SLC22A3: variants seen among roughly 807,000 people sequenced by gnomAD.
SLC22A3 encodes EMT organic cation transporter 3.
A neutral mutation model predicts 59.1 loss-of-function variants in SLC22A3; 51 were observed. The observed-to-expected ratio is 0.86, with a 90% CI of 0.69 to 1.09. The LOEUF (loss-of-function observed/expected upper bound fraction) is 1.09. SLC22A3 is among the 50% of genes least tolerant of loss of function. The pLI is 0.00. For synonymous variants in SLC22A3, 325 were observed against 292.0 expected (o/e 1.11, Z -1.15); for missense variants, 711 against 726.3 (o/e 0.98, Z 0.24).
intron 5 of SLC22A3, among the ~76,000 whole-genome samples, chr6:160,418,076 G>T (rs144965911): frequency 2.0e-5 from 3 of 152,322 alleles, no homozygotes; most frequent in African/African-American, 7.2e-5. Flanking sequence ...AGCTGGGAAA[G>T]TATTGTTTCT....
intron 9 of SLC22A3, among the ~76,000 whole-genome samples, chr6:160,445,672 C>A (rs1788712364): frequency 6.6e-6 from 1 of 152,132 alleles, no homozygotes; most frequent in African/African-American, 2.4e-5. Flanking sequence ...AGAGGGTGGA[C>A]AGATTGAGTA....
At chr6:160,446,242 G>C (rs1415404701) in intron 9 of SLC22A3, among the ~76,000 whole-genome samples, 1 of 152,176 alleles carries the variant, frequency 6.6e-6, no homozygotes, top group East Asian at 1.9e-4. Flanking sequence ...GGAGAATATA[G>C]GCTGAGTCTG....
intron 4 of SLC22A3, among the ~76,000 whole-genome samples, chr6:160,409,635 C>T (rs1787167099): frequency 6.6e-6 from 1 of 152,058 alleles, no homozygotes; most frequent in Non-Finnish European, 1.5e-5. Context: ...TACAGTCCCA[C>T]CAACAGTGTT....
At chr6:160,365,679 A>C (rs897589590) in intron 1 of SLC22A3, among the ~76,000 whole-genome samples, 1 of 152,208 alleles carries the variant, frequency 6.6e-6, no homozygotes, top group Non-Finnish European at 1.5e-5. Context: ...TCAGAAGTTC[A>C]GTTCTTTAAA....
rs1223785918 is a variant in SLC22A3, at chr6:160,410,955, A to ATT, written c.975+110_975+111dup. 6.8e-6 allele frequency: 4 copies of ATT among 584,780 alleles called. 1 individual carries two copies. In the Middle Eastern group the frequency reaches 1.4e-3, roughly 210 times the overall value. The allele number at this position is 584,780 out of a possible 1,614,324, so 36.2% of individuals were successfully genotyped here. On this transcript the variant is annotated intron_variant, in intron 5 of 10. Coordinates refer to ENST00000275300, the MANE Select transcript of SLC22A3 (RefSeq NM_021977.4). Reference sequence around the variant, plus strand: ...TTAAATTTATATACAAAATATGCATATTATATATATATATGTATGTATGTA... The same window carrying ATT: ...TTAAATTTATATACAAAATATGCATATTTTATATATATATATGTATGTATGTA...
At position 160,408,767 on chromosome 6, in the gene SLC22A3, G is replaced by A. The variant is rs370990937; in HGVS notation, c.703G>A (p.Gly235Ser). The A allele has an allele frequency of 6.8e-6, 11 of 1,613,426 alleles. No homozygotes were observed. Among genetic ancestry groups the A allele is most frequent in the Non-Finnish European group, 9.3e-6 (11 of 1,179,674 alleles). ...TCYVIVTEIV[G>S]SKQRRIVGIV... The stretch of plus-strand genomic sequence containing the variant: ...TTTTCCTTTAGTGACAGAAATAGTA[G>A]GTTCGAAACAAAGGAGGATTGTGGG... The change falls in exon 4 of 11, where the codon GGT becomes AGT. Residue 235 changes from glycine to serine, a missense_variant. Transcript: ENST00000275300.
At chr6:160,383,743 G>GTCT (rs1252763329) in intron 1 of SLC22A3, among the ~76,000 whole-genome samples, 2 of 151,814 alleles carry the variant, frequency 1.3e-5, no homozygotes, top group Non-Finnish European at 2.9e-5. Context: ...TATCCATGGG[G>GTCT]TCTGCATCCA....
At chr6:160,409,017 T>A in intron 4 of SLC22A3, 96 bp downstream of exon 4, 6 of 521,224 alleles carry the variant, frequency 1.2e-5, no homozygotes, top group Non-Finnish European at 1.6e-5. Context: ...AAAATTTTCT[T>A]TTTTTTTTTT....
intron 7 of SLC22A3, among the ~76,000 whole-genome samples, chr6:160,442,321 C>T (rs142801184): frequency 1.2e-4 from 18 of 152,286 alleles, no homozygotes; most frequent in African/African-American, 2.2e-4. Context: ...GTGCTGGGAA[C>T]GGCTATTCCT....
chr6:160,432,228 A>G (rs1178187602), intron 5 of SLC22A3, among the ~76,000 whole-genome samples: 1 of 152,068 alleles, frequency 6.6e-6, no homozygotes, highest in Non-Finnish European at 1.5e-5. Context: ...GGAGGATACG[A>G]TTTCCCTAAA....
intron 10 of SLC22A3, among the ~76,000 whole-genome samples, chr6:160,448,409 AGAT>A (rs1788825724): frequency 6.6e-6 from 1 of 152,238 alleles, no homozygotes; most frequent in African/African-American, 2.4e-5. Context: ...AATCATAGAT[AGAT>A]AAGTGATAGT....
chr6:160,414,037 G>T (rs1787366497), intron 5 of SLC22A3, among the ~76,000 whole-genome samples: 1 of 152,106 alleles, frequency 6.6e-6, no homozygotes, highest in Admixed American at 6.6e-5. Flanking sequence ...ATATCTGTAG[G>T]ATCCTTTAAC....
intron 1 of SLC22A3, among the ~76,000 whole-genome samples, chr6:160,354,813 G>A (rs1171009777): frequency 6.6e-6 from 1 of 152,072 alleles, no homozygotes; most frequent in African/African-American, 2.4e-5. Context: ...ACACTAATTT[G>A]CTCTAAAGGC....
intron 5 of SLC22A3, among the ~76,000 whole-genome samples, chr6:160,423,779 C>G (rs1011387292): frequency 3.3e-5 from 5 of 152,176 alleles, no homozygotes; most frequent in African/African-American, 1.2e-4. Flanking sequence ...GTTGCCTGTT[C>G]ACTCTGATTG....
chr6:160,435,070 C>A (rs1218027670), intron 5 of SLC22A3, among the ~76,000 whole-genome samples: 1 of 152,134 alleles, frequency 6.6e-6, no homozygotes, highest in Non-Finnish European at 1.5e-5. Context: ...ACACATGACC[C>A]CTACAACCAC....
At chr6:160,432,781 TATC>T (rs1263163228) in intron 5 of SLC22A3, among the ~76,000 whole-genome samples, 3 of 152,222 alleles carry the variant, frequency 2.0e-5, no homozygotes, top group Admixed American at 6.5e-5. Flanking sequence ...AAACAATAAA[TATC>T]ATATTCTACA....
At chr6:160,353,682 G>A (rs1400063084) in intron 1 of SLC22A3, among the ~76,000 whole-genome samples, 1 of 152,150 alleles carries the variant, frequency 6.6e-6, no homozygotes, top group Non-Finnish European at 1.5e-5. Context: ...AGTGGTTGGT[G>A]TGCATTCTCG....
intron 5 of SLC22A3, among the ~76,000 whole-genome samples, chr6:160,427,556 C>T (rs1454785267): frequency 1.3e-5 from 2 of 152,182 alleles, no homozygotes; most frequent in Admixed American, 6.5e-5. Flanking sequence ...GGCGAGTGGA[C>T]AGGTGGTCTG....
At chr6:160,450,867 G>A in intron 10 of SLC22A3, 129 bp from the exon 11 acceptor site, 1 of 861,488 alleles carries the variant, frequency 1.2e-6, no homozygotes, top group Non-Finnish European at 1.9e-6. Context: ...AGATATTGTT[G>A]TTACCTTAGA....
Sources: gnomAD v4.1 joint callset for allele counts (sites outside exome capture counted in the v4.1 genomes callset) on GRCh38, gnomAD v4.1.1 for gene constraint, MANE v1.5 for transcripts, NCBI Gene and HGNC (gene_info 2026-07-23, HGNC 2026-07-21) for gene names.